The following CLEC4G variants were observed in gnomAD, a reference collection of about 807,000 sequenced individuals.
The protein encoded by CLEC4G is C-type lectin domain family 4 member G, also known as C-type lectin superfamily 4, member G.
CLEC4G carries 34 observed loss-of-function variants against 37.0 expected under a neutral mutation model. That is an observed-to-expected ratio of 0.92 (90% CI 0.70 to 1.22). The LOEUF is 1.22. Among genes scored for constraint, CLEC4G ranks in the 50% most tolerant of loss-of-function variants. The probability of loss-of-function intolerance (pLI) is 0.00; values close to 1 mark genes in which losing one functional copy is unlikely to be tolerated. For synonymous variants in CLEC4G, 167 were observed against 165.6 expected (o/e 1.01, Z -0.06); for missense variants, 390 against 392.9 (o/e 0.99, Z 0.06).
chr19:7,729,655 A>C (rs2033396632), intron 8 of CLEC4G, 151 bp from the exon 9 acceptor site: 1 of 1,320,392 alleles, frequency 7.6e-7, no homozygotes, highest in African/African-American at 1.5e-5. Flanking sequence ...CTGGTATATA[A>C]CTTTTTAACG....
At chr19:7,731,879 C>CA in intron 1 of CLEC4G, 108 bp from the exon 2 acceptor site, 1 of 1,526,938 alleles carries the variant, frequency 6.5e-7, no homozygotes, top group Non-Finnish European at 8.8e-7. Flanking sequence ...TGCCTATGGT[C>CA]ACACAGCTTC....
rs73493928 is a variant in CLEC4G at position 7,730,594 on chromosome 19, G to C, written c.389-154C>G. Among the ~76,000 whole-genome samples the C allele has an allele frequency of 1.3e-5, 2 of 152,178 alleles. No homozygotes were observed. Among genetic ancestry groups the C allele is most frequent in the Non-Finnish European group, 2.9e-5 (2 of 68,022 alleles). ...GTCAAGGGCGGTTACAACTGGGCAG[G>C]GTCCGGGTGTGGCCGGCGCTAGGAG... On this transcript the variant is annotated intron_variant, in intron 5 of 8. Transcript: ENST00000328853. The surrounding 1 kb of genome is among the most constrained non-coding windows in gnomAD (Gnocchi z 7.3).
At chr19:7,731,115 A>T in intron 3 of CLEC4G, 27 bp from the exon 4 acceptor site, 1 of 1,604,680 alleles carries the variant, frequency 6.2e-7, no homozygotes, top group Non-Finnish European at 8.5e-7. Flanking sequence ...CCCAAAATGC[A>T]TGCCCCTCGG....
rs1434571087 is a variant in CLEC4G at position 7,732,075 on chromosome 19, C to T, written c.28G>A (p.Gly10Ser). The T allele has an allele frequency of 1.2e-6, 2 of 1,610,416 alleles. No individual in the cohort carries two copies. The highest frequency in any genetic ancestry group is 1.7e-5 in the Admixed American group (1 of 60,028). ...CCGGGGACCTCCTCGGAGCTGCCGC[C>T]CCACTTGCTGTACCTGGTGGTGTCC... MDTTRYSKW[G>S]GSSEEVPGGP... The change falls in exon 1 of 9, where the codon GGC becomes AGC. Residue 10 changes from glycine (G) to serine (S), a missense_variant. By Grantham distance (56) the Gly-to-Ser change is moderately conservative. Coordinates refer to ENST00000328853, the MANE Select transcript of CLEC4G (RefSeq NM_198492.4).
In CLEC4G at chr19:7,730,006, TC is replaced by T. The variant is rs771421057; in HGVS notation, c.627+12del. 25 of 1,546,172 alleles carry T rather than the reference TC, an allele frequency of 1.6e-5. No homozygotes were observed. In the South Asian group the frequency reaches 2.3e-4, roughly 14 times the overall value. ...TGCCCCACCGCCTGACCACGCCCCC[TC>T]CCCCTGCGCACCTGCTCATCCAGGC... On this transcript the variant is annotated intron_variant, in intron 7 of 8. Transcript: ENST00000328853. This position sits in a 1 kb window ranked among gnomAD's most constrained non-coding sequence, Gnocchi z 7.3.
intron 2 of CLEC4G, 70 bp downstream of exon 2, chr19:7,731,591 C>T (rs1011514203): frequency 1.9e-6 from 3 of 1,564,418 alleles, no homozygotes; most frequent in Non-Finnish European, 8.7e-7. Context: ...GCAGCTGGTG[C>T]GCCATGCAGT....
Position 7,730,697 on chromosome 19 carries a change from G to T in CLEC4G, c.388+58C>A. ...GGGTCGGGGGTCAGCACTCAGGACGGGGTCGGGGTCGGGGGACGCGGCCAG... is the reference window on the plus strand; with the variant it reads ...GGGTCGGGGGTCAGCACTCAGGACGTGGTCGGGGTCGGGGGACGCGGCCAG... On this transcript the variant is annotated intron_variant, in intron 5 of 8. Coordinates refer to ENST00000328853, the MANE Select transcript of CLEC4G (RefSeq NM_198492.4). The surrounding 1 kb of genome is among the most constrained non-coding windows in gnomAD (Gnocchi z 7.3). The T allele has an allele frequency of 2.0e-6, 3 of 1,499,920 alleles. No individual in the cohort carries two copies. Among genetic ancestry groups the T allele is most frequent in the Middle Eastern group, 4.7e-4 (2 of 4,218 alleles). 92.9% of individuals were successfully genotyped at this position (1,499,920 alleles called of 1,614,324 possible). A position where few individuals can be genotyped will look rare whatever the true frequency, so the allele number is the denominator to read the frequency against.
rs1385432464 is a variant in CLEC4G, at chr19:7,729,493, T to C, written c.755A>G (p.Gln252Arg). The C allele has an allele frequency of 2.5e-6, 4 of 1,603,286 alleles. No homozygotes were observed. In the Admixed American group the frequency reaches 6.7e-5, roughly 27 times the overall value. Reference sequence around the variant, plus strand: ...CCCCCAAGCGTCATTGGGCTCTCCCTGGTTCCAGTGGCTACAGGGGGGTTG... The same window carrying C: ...CCCCCAAGCGTCATTGGGCTCTCCCCGGTTCCAGTGGCTACAGGGGGGTTG... ...GVSLSFSHWN[Q>R]GEPNDAWGRE... is the part of the protein sequence containing the mutation. Residue 252 changes from glutamine to arginine, a missense_variant, in exon 9 of 9, where the codon CAG becomes CGG. Physicochemically the swap from Gln to Arg is conservative, Grantham distance 43. Transcript: ENST00000328853.
Position 7,729,206 on chromosome 19 carries a change from G to A in CLEC4G, c.*160C>T, listed in dbSNP as rs1161688333. The A allele has an allele frequency of 2.8e-6, 2 of 703,934 alleles. No homozygotes were observed. Among genetic ancestry groups the A allele is most frequent in the East Asian group, 2.7e-5 (1 of 37,244 alleles). 43.6% of individuals were successfully genotyped at this position (703,934 alleles called of 1,614,324 possible). Reference sequence around the variant, plus strand: ...TGGAGGTCCCAGAGCCCAGGCACTGGGCTGGACAGGGCTATGTTGGGCCAA... The same window carrying A: ...TGGAGGTCCCAGAGCCCAGGCACTGAGCTGGACAGGGCTATGTTGGGCCAA... On this transcript the variant is annotated 3_prime_UTR_variant, in exon 9 of 9. Coordinates refer to ENST00000328853, the MANE Select transcript of CLEC4G (RefSeq NM_198492.4).
At position 7,729,487 on chromosome 19, in the gene CLEC4G, T is replaced by G; in HGVS notation, c.761A>C (p.Glu254Ala). The G allele has an allele frequency of 6.2e-7, 1 of 1,604,498 alleles. No individual in the cohort carries two copies. Among genetic ancestry groups the G allele is most frequent in the South Asian group, 1.1e-5 (1 of 90,520 alleles). ...SLSFSHWNQG[E>A]PNDAWGRENC... Reference sequence around the variant, plus strand: ...CTCGCGCCCCCAAGCGTCATTGGGCTCTCCCTGGTTCCAGTGGCTACAGGG... The same window carrying G: ...CTCGCGCCCCCAAGCGTCATTGGGCGCTCCCTGGTTCCAGTGGCTACAGGG... The change falls in exon 9 of 9, where the codon GAG becomes GCG. Residue 254 changes from glutamate (E) to alanine (A), a missense_variant. Glu to Ala is a moderately radical substitution (Grantham distance 107). Transcript: ENST00000328853.
rs200909605 is a variant in CLEC4G at position 7,729,367 on chromosome 19, C to A, written c.881G>T (p.Ter294LeuextTer79). 1 of 1,604,530 alleles carries A rather than the reference C, an allele frequency of 6.2e-7. No homozygotes were observed. Among genetic ancestry groups the A allele is most frequent in the Non-Finnish European group, 8.5e-7 (1 of 1,172,480 alleles). ...GCGGCTCCAGGGCACTGGGCGGGGTCAGCAGTTGTGCCTTTTCTCACAGAT... is the reference window on the plus strand; with the variant it reads ...GCGGCTCCAGGGCACTGGGCGGGGTAAGCAGTTGTGCCTTTTCTCACAGAT... ...GWICEKRHNC[*>L] The change falls in exon 9 of 9, where the codon TGA (stop) becomes TTA (leucine). Residue 294 changes from the stop codon to leucine, a stop_lost. Transcript: ENST00000328853.
chr19:7,729,767 T>C (rs2033398428), intron 8 of CLEC4G, 54 bp downstream of exon 8: 2 of 1,607,272 alleles, frequency 1.2e-6, no homozygotes, highest in Admixed American at 1.7e-5. Flanking sequence ...AAGCATGTCC[T>C]CTAGAGCCTA....
In CLEC4G at chr19:7,729,324, C is replaced by T. The variant is rs199893054; in HGVS notation, c.*42G>A. On this transcript the variant is annotated 3_prime_UTR_variant, in exon 9 of 9. Coordinates refer to ENST00000328853, the MANE Select transcript of CLEC4G (RefSeq NM_198492.4). The stretch of plus-strand genomic sequence containing the variant: ...AGGGAGGTGAGCAGCCCCCAGGATA[C>T]GACATGCTGCAATGGGCGCGGCTCC... 9.9e-6 allele frequency: 14 copies of T among 1,420,056 alleles called. No individual in the cohort carries two copies. Among genetic ancestry groups the T allele is most frequent in the Non-Finnish European group, 1.4e-5 (14 of 1,008,036 alleles). The allele number at this position is 1,420,056 out of a possible 1,614,324, so 88.0% of individuals were successfully genotyped here. A position where few individuals can be genotyped will look rare whatever the true frequency, so the allele number is the denominator to read the frequency against.
At chr19:7,731,481 G>A in intron 2 of CLEC4G, 162 bp from the exon 3 acceptor site, 1 of 1,472,302 alleles carries the variant, frequency 6.8e-7, no homozygotes, top group Non-Finnish European at 9.1e-7. Flanking sequence ...GCGGGGACTC[G>A]CGCACATACG....
Position 7,729,358 on chromosome 19 carries a change from G to A in CLEC4G, c.*8C>T, listed in dbSNP as rs745855684. On this transcript the variant is annotated 3_prime_UTR_variant, in exon 9 of 9. Transcript: ENST00000328853. ...GCAATGGGCGCGGCTCCAGGGCACT[G>A]GGCGGGGTCAGCAGTTGTGCCTTTT... 2.8e-5 allele frequency: 44 copies of A among 1,596,886 alleles called. 1 individual carries two copies. Among genetic ancestry groups the A allele is most frequent in the Non-Finnish European group, 3.8e-5 (44 of 1,166,110 alleles).
rs371497778 is a variant in CLEC4G at position 7,730,334 on chromosome 19, C to A, written c.478+17G>T. On this transcript the variant is annotated intron_variant, in intron 6 of 8. Transcript: ENST00000328853. The surrounding 1 kb of genome is among the most constrained non-coding windows in gnomAD (Gnocchi z 7.3). ...TTACGCCCTCACAGCCCGCCCCCGA[C>A]CCCCCGTCTCGCTCACTGTTCTGGA... 5 of 1,579,104 alleles carry A rather than the reference C, an allele frequency of 3.2e-6. No homozygotes were observed. The highest frequency in any genetic ancestry group is 2.2e-5 in the East Asian group (1 of 44,726).
rs2033429721 is a variant in CLEC4G, at chr19:7,731,335, C to T, written c.167-16G>A. 1 of 1,562,866 alleles carries T rather than the reference C, an allele frequency of 6.4e-7. No individual in the cohort carries two copies. The highest frequency in any genetic ancestry group is 8.6e-7 in the Non-Finnish European group (1 of 1,159,626). On this transcript the variant is annotated splice_polypyrimidine_tract_variant and intron_variant, in intron 2 of 8. Coordinates refer to ENST00000328853, the MANE Select transcript of CLEC4G (RefSeq NM_198492.4). ...TCCGTGGAGGCTGAGGAGAGAGGCT[C>T]CTGCAGGCGAGGCCGGGAACTCGGG... is the stretch of plus-strand genomic sequence containing the variant.
rs754325004 is a variant in CLEC4G, at chr19:7,730,354, T to C, written c.475A>G (p.Asn159Asp). Residue 159 changes from asparagine (N) to aspartate (D), a missense_variant, in exon 6 of 9, where the codon AAC becomes GAC. Coordinates refer to ENST00000328853, the MANE Select transcript of CLEC4G (RefSeq NM_198492.4). The surrounding 1 kb of genome is among the most constrained non-coding windows in gnomAD (Gnocchi z 7.3). ...CCCGACCCCCCGTCTCGCTCACTGT[T>C]CTGGAGCCTCACGGCCTCCAGCGCC... is the stretch of plus-strand genomic sequence containing the variant. Reference protein sequence around the residue: ...FRALEAVRLQNNSCEPCPTSW... With the variant: ...FRALEAVRLQDNSCEPCPTSW... The C allele has an allele frequency of 4.4e-6, 7 of 1,602,734 alleles. No individual in the cohort carries two copies. The highest frequency in any genetic ancestry group is 5.9e-6 in the Non-Finnish European group (7 of 1,179,338).
chr19:7,732,064 G>A lies in CLEC4G; in HGVS notation c.39C>T (p.Ser13=), dbSNP rs1207917431. ...TTRYSKWGGS[S]EEVPGGPWGR... is the part of the protein sequence containing the mutation. ...TGCTCATACCTCCGGGGACCTCCTC[G>A]GAGCTGCCGCCCCACTTGCTGTACC... Residue 13 remains serine (S), a synonymous_variant, in exon 1 of 9, where the codon TCC becomes TCT. Transcript: ENST00000328853. 9 of 1,609,428 alleles carry A rather than the reference G, an allele frequency of 5.6e-6. No individual in the cohort carries two copies. Among genetic ancestry groups the A allele is most frequent in the South Asian group, 3.3e-5 (3 of 90,980 alleles).
Sources: gnomAD v4.1 joint callset for allele counts (sites outside exome capture counted in the v4.1 genomes callset) on GRCh38, gnomAD v4.1.1 for gene constraint, Gnocchi (gnomAD v3.1) non-coding constraint, MANE v1.5 for transcripts, NCBI Gene and HGNC (gene_info 2026-07-23, HGNC 2026-07-21) for gene names.